Variants in FRMPD4 observed in about 807,000 individuals in gnomAD.
FRMPD4 encodes the protein FERM and PDZ domain-containing protein 4.
Under a neutral mutation model 94.1 loss-of-function variants are expected in FRMPD4, and 22 were observed. The ratio of observed to expected loss-of-function variants is 0.23; its 90% confidence interval spans 0.17 to 0.33. The LOEUF (loss-of-function observed/expected upper bound fraction) is 0.33. FRMPD4 is among the 10% of genes least tolerant of loss of function. The pLI, the probability that FRMPD4 is intolerant of heterozygous loss-of-function variation, is 1.00. For missense variants in FRMPD4, 1,111 were observed against 1,339.9 expected, an observed-to-expected ratio of 0.83 and a Z score of 2.67; for synonymous variants, 631 against 548.6, an observed-to-expected ratio of 1.15 and a Z score of -2.10.
intron 2 of FRMPD4, among the ~76,000 whole-genome samples, chrX:12,569,069 T>C (rs1489863198): frequency 9.0e-6 from 1 of 111,234 alleles, no homozygotes; most frequent in Admixed American, 9.6e-5. Context: ...TTCCTTCTCT[T>C]CCTAGCTCAC....
chrX:11,931,301 T>C (rs1286944654), intron 3 of FRMPD4, among the ~76,000 whole-genome samples: 1 of 112,105 alleles, frequency 8.9e-6, no homozygotes, highest in Non-Finnish European at 1.9e-5. Flanking sequence ...ACCACCTTTT[T>C]CTTCTCTTTT....
At chrX:12,409,226 G>A (rs1012070801) in intron 1 of FRMPD4, among the ~76,000 whole-genome samples, 2 of 111,707 alleles carry the variant, frequency 1.8e-5, no homozygotes, top group East Asian at 5.7e-4. Context: ...GTTCTCAATC[G>A]GGTGATTTTA....
At chrX:11,952,198 A>T (rs764694441) in intron 3 of FRMPD4, among the ~76,000 whole-genome samples, 19 of 112,313 alleles carry the variant, frequency 1.7e-4, no homozygotes, top group Non-Finnish European at 3.4e-4. Context: ...TCATGAATAT[A>T]ATAGCCAGTG....
At chrX:12,248,440 A>G (rs1415566068) in intron 1 of FRMPD4, among the ~76,000 whole-genome samples, 1 of 112,412 alleles carries the variant, frequency 8.9e-6, no homozygotes, top group East Asian at 2.8e-4. Context: ...GTCCTTGTAG[A>G]GTCCAAGCAA....
At chrX:12,309,767 G>A (rs980418270) in intron 1 of FRMPD4, among the ~76,000 whole-genome samples, 6 of 112,696 alleles carry the variant, frequency 5.3e-5, no homozygotes, top group African/African-American at 1.9e-4. Flanking sequence ...TGTACAAAAC[G>A]CGGTGTCCTC....
At chrX:11,964,452 G>A (rs2054300273) in intron 3 of FRMPD4, among the ~76,000 whole-genome samples, 2 of 111,010 alleles carry the variant, frequency 1.8e-5, no homozygotes, top group Admixed American at 9.6e-5. Context: ...CCGGGATTCA[G>A]TGTTTTTAAG....
At position 12,172,125 on chromosome X, in the gene FRMPD4, G is replaced by A. The variant is rs373508389; in HGVS notation, c.41+33113G>A. 1.4e-4 allele frequency among the ~76,000 whole-genome samples: 16 copies of A among 111,373 alleles called. No homozygotes were observed. In the East Asian group the frequency reaches 3.4e-3, roughly 24 times the overall value. On this transcript the variant is annotated intron_variant, in intron 1 of 16. Transcript: ENST00000675598. ...TAGTTATATCTTAACCAATGCATAG[G>A]ATGTCTGTAGAATAGTCTATCAAGC...
chrX:12,518,352 G>A (rs760223546), intron 2 of FRMPD4, among the ~76,000 whole-genome samples: 2 of 111,695 alleles, frequency 1.8e-5, no homozygotes, highest in East Asian at 5.6e-4. Flanking sequence ...ACAGATTGTG[G>A]AAAAAACCTT....
At chrX:12,434,342 C>T (rs766137514) in intron 1 of FRMPD4, among the ~76,000 whole-genome samples, 20 of 111,358 alleles carry the variant, frequency 1.8e-4, no homozygotes, top group African/African-American at 5.6e-4. Flanking sequence ...GTTAAGCCTA[C>T]GCCTTCTTCT....
chrX:12,643,063 A>G (rs1330806486), intron 4 of FRMPD4, among the ~76,000 whole-genome samples: 1 of 111,916 alleles, frequency 8.9e-6, no homozygotes, highest in Admixed American at 9.4e-5. Flanking sequence ...GGTCTACACC[A>G]TGAAAAGAAG....
chrX:12,215,494 G>A (rs1211644200), intron 1 of FRMPD4, among the ~76,000 whole-genome samples: 2 of 111,839 alleles, frequency 1.8e-5, no homozygotes, highest in Admixed American at 1.9e-4. Flanking sequence ...GTTAAACACA[G>A]TAGAAAGCAG....
intron 3 of FRMPD4, among the ~76,000 whole-genome samples, chrX:12,031,334 TG>T (rs1431896517): frequency 2.3e-4 from 26 of 112,242 alleles, no homozygotes; most frequent in South Asian, 3.7e-4. Context: ...AAGAGATATT[TG>T]GCAGGTTAAA....
At chrX:12,033,366 G>A (rs917210525) in intron 3 of FRMPD4, among the ~76,000 whole-genome samples, 4 of 111,373 alleles carry the variant, frequency 3.6e-5, no homozygotes, top group Non-Finnish European at 5.6e-5. Context: ...AAGAAGTTGC[G>A]GTCCAAGGAG....
At chrX:11,961,279 G>A (rs961093605) in intron 3 of FRMPD4, among the ~76,000 whole-genome samples, 8 of 111,993 alleles carry the variant, frequency 7.1e-5, no homozygotes, top group African/African-American at 1.3e-4. Context: ...ATTGCTAACC[G>A]TGGTTTCTGA....
At chrX:12,143,195 G>A (rs1483362938) in intron 1 of FRMPD4, among the ~76,000 whole-genome samples, 1 of 112,231 alleles carries the variant, frequency 8.9e-6, no homozygotes, top group Non-Finnish European at 1.9e-5. Flanking sequence ...AATCTTGAAA[G>A]CTAATCATAG....
At chrX:12,686,254 G>A in intron 7 of FRMPD4, 50 bp downstream of exon 7, 1 of 589,127 alleles carries the variant, frequency 1.7e-6, no homozygotes, top group Non-Finnish European at 2.9e-6. Flanking sequence ...GGTACAACAT[G>A]CAGGACACTG....
intron 3 of FRMPD4, among the ~76,000 whole-genome samples, chrX:12,009,336 A>AT (rs2054570124): frequency 8.9e-6 from 1 of 112,467 alleles, no homozygotes; most frequent in South Asian, 3.6e-4. Context: ...AAAAGCGGTT[A>AT]TTTTTTTAAA....
chrX:12,309,170 C>T (rs1045602720), intron 1 of FRMPD4, among the ~76,000 whole-genome samples: 3 of 111,649 alleles, frequency 2.7e-5, no homozygotes, highest in Non-Finnish European at 5.6e-5. Flanking sequence ...CCTTTATTTA[C>T]CAAAACAGGT....
chrX:12,011,933 G>A (rs1295824448), intron 3 of FRMPD4, among the ~76,000 whole-genome samples: 5 of 103,939 alleles, frequency 4.8e-5, no homozygotes, highest in East Asian at 6.0e-4. Flanking sequence ...ATGGAGTCTC[G>A]CTGTGTCACC....
Sources: allele counts gnomAD v4.1 joint callset (sites outside exome capture counted in the v4.1 genomes callset), GRCh38; gene constraint gnomAD v4.1.1; transcripts MANE v1.5; gene names NCBI Gene and HGNC (gene_info 2026-07-23, HGNC 2026-07-21).